The following KCNMB2 variants were observed in gnomAD, a reference collection of about 807,000 sequenced individuals.
KCNMB2 encodes the protein calcium-activated potassium channel subunit beta-2.
A neutral mutation model predicts 24.5 loss-of-function variants in KCNMB2; 9 were observed. The ratio of observed to expected loss-of-function variants is 0.37; its 90% CI spans 0.22 to 0.64. The LOEUF (loss-of-function observed/expected upper bound fraction) is 0.64, where lower values mean the gene tolerates loss of function less well. Ranked by LOEUF, KCNMB2 falls within the 30% of genes least tolerant of loss-of-function variation. KCNMB2 has a pLI of 0.63. For synonymous variants in KCNMB2, 109 were observed against 104.4 expected (o/e 1.04, Z -0.27); for missense variants, 226 against 284.3 (o/e 0.79, Z 1.47).
intron 1 of KCNMB2, among the ~76,000 whole-genome samples, chr3:178,782,830 C>T (rs1313099570): frequency 2.0e-5 from 3 of 151,318 alleles, no homozygotes; most frequent in Non-Finnish European, 4.4e-5. Flanking sequence ...CTTTTGTTGC[C>T]ATTGCTTTTG....
intron 1 of KCNMB2, among the ~76,000 whole-genome samples, chr3:178,563,234 A>T (rs1314282886): frequency 6.6e-6 from 1 of 152,236 alleles, no homozygotes; most frequent in Non-Finnish European, 1.5e-5. Context: ...ACCAGAAAAA[A>T]ACTGGGCAGC....
At chr3:178,732,150 T>C (rs1376236236) in intron 1 of KCNMB2, among the ~76,000 whole-genome samples, 1 of 152,186 alleles carries the variant, frequency 6.6e-6, no homozygotes, top group Admixed American at 6.5e-5. Context: ...ATTTGCGAGA[T>C]ACAACAGTGA....
At chr3:178,560,047 T>C (rs1393354793) in intron 1 of KCNMB2, among the ~76,000 whole-genome samples, 2 of 147,944 alleles carry the variant, frequency 1.4e-5, no homozygotes, top group East Asian at 1.9e-4. Flanking sequence ...ATATCTTTTT[T>C]ATTAAACAGG....
At chr3:178,711,784 TAAC>T (rs1402533587) in intron 1 of KCNMB2, among the ~76,000 whole-genome samples, 3 of 152,206 alleles carry the variant, frequency 2.0e-5, no homozygotes, top group Non-Finnish European at 2.9e-5. Flanking sequence ...GTGCCAGGCT[TAAC>T]GTAGTGCAGA....
chr3:178,727,751 T>G (rs1723011176), intron 1 of KCNMB2, among the ~76,000 whole-genome samples: 1 of 152,182 alleles, frequency 6.6e-6, no homozygotes, highest in Non-Finnish European at 1.5e-5. Context: ...TGCACACACC[T>G]TTATTTTAGC....
intron 1 of KCNMB2, among the ~76,000 whole-genome samples, chr3:178,600,740 T>C (rs949206729): frequency 6.6e-5 from 10 of 152,144 alleles, no homozygotes; most frequent in African/African-American, 2.2e-4. Flanking sequence ...TTTGCTAGTG[T>C]GAATAGTGCT....
At chr3:178,819,684 TCAAGAAACA>T (rs1361583189) in intron 2 of KCNMB2, among the ~76,000 whole-genome samples, 1 of 152,082 alleles carries the variant, frequency 6.6e-6, no homozygotes, top group East Asian at 1.9e-4. Context: ...TATCAATGAG[TCAAGAAACA>T]AATTTTGGTT....
At chr3:178,822,019 A>G (rs573759219) in intron 2 of KCNMB2, among the ~76,000 whole-genome samples, 32 of 152,266 alleles carry the variant, frequency 2.1e-4, no homozygotes, top group African/African-American at 6.3e-4. Context: ...TTGAAACTCA[A>G]TCGTGTCACC....
At chr3:178,781,478 G>C (rs1415346330) in intron 1 of KCNMB2, among the ~76,000 whole-genome samples, 2 of 152,136 alleles carry the variant, frequency 1.3e-5, no homozygotes, top group African/African-American at 4.8e-5. Context: ...TGTAATCCCA[G>C]CTACTCGGGA....
At chr3:178,592,885 G>A (rs369663747) in intron 1 of KCNMB2, among the ~76,000 whole-genome samples, 4 of 151,994 alleles carry the variant, frequency 2.6e-5, no homozygotes, top group Admixed American at 6.6e-5. Context: ...CACTGAAGTC[G>A]TTTTCTTTTT....
chr3:178,672,262 C>A (rs543997907), intron 1 of KCNMB2, among the ~76,000 whole-genome samples: 4 of 152,150 alleles, frequency 2.6e-5, no homozygotes, highest in Non-Finnish European at 5.9e-5. Context: ...CCTTACCACA[C>A]CCCTGTGAGG....
At chr3:178,701,292 C>T (rs537334701) in intron 1 of KCNMB2, among the ~76,000 whole-genome samples, 1 of 152,230 alleles carries the variant, frequency 6.6e-6, no homozygotes, top group African/African-American at 2.4e-5. Context: ...TTTCTGAGGG[C>T]TCTGTTCTGT....
chr3:178,771,054 T>C (rs1302554584), intron 1 of KCNMB2, among the ~76,000 whole-genome samples: 1 of 152,234 alleles, frequency 6.6e-6, no homozygotes, highest in Non-Finnish European at 1.5e-5. Context: ...TAAATACTCA[T>C]TAAATTATAA....
At chr3:178,740,381 A>G (rs1355328034) in intron 1 of KCNMB2, among the ~76,000 whole-genome samples, 2 of 152,030 alleles carry the variant, frequency 1.3e-5, no homozygotes, top group Non-Finnish European at 2.9e-5. Flanking sequence ...CAGCCTCCCA[A>G]AGTGCTGGGA....
Position 178,757,314 on chromosome 3 carries a change from A to T in KCNMB2, c.-67-50029A>T, listed in dbSNP as rs542200529. ...AGGATATATATATATATATCCATCCAAGAGGACATATATATATGTATATAT... is the reference window on the plus strand; with the variant it reads ...AGGATATATATATATATATCCATCCTAGAGGACATATATATATGTATATAT... On this transcript the variant is annotated intron_variant, in intron 1 of 4. Transcript: ENST00000452583. Among the ~76,000 whole-genome samples, 436 of 115,936 alleles carry T rather than the reference A, an allele frequency of 3.8e-3. 31 individuals carry two copies. Among genetic ancestry groups the T allele is most frequent in the African/African-American group, 0.014 (426 of 30,542 alleles). 76.1% of individuals were successfully genotyped at this position (115,936 alleles called of 152,430 possible).
chr3:178,711,424 C>A (rs961069619), intron 1 of KCNMB2, among the ~76,000 whole-genome samples: 13 of 152,254 alleles, frequency 8.5e-5, no homozygotes, highest in Admixed American at 3.9e-4. Context: ...ATACCCATCA[C>A]CCCTTAATAT....
chr3:178,703,231 A>ATCTC (rs748700687), intron 1 of KCNMB2, among the ~76,000 whole-genome samples: 4 of 152,174 alleles, frequency 2.6e-5, no homozygotes, highest in Non-Finnish European at 5.9e-5. Flanking sequence ...ATACATTCTT[A>ATCTC]TCTCTATCAG....
chr3:178,839,381 A>C (rs1715347037), intron 4 of KCNMB2, among the ~76,000 whole-genome samples: 1 of 152,196 alleles, frequency 6.6e-6, no homozygotes, highest in African/African-American at 2.4e-5. Flanking sequence ...AAAGAGGAGA[A>C]AGGGAAGTGT....
At chr3:178,770,874 G>A (rs1192005802) in intron 1 of KCNMB2, among the ~76,000 whole-genome samples, 1 of 152,196 alleles carries the variant, frequency 6.6e-6, no homozygotes, top group Non-Finnish European at 1.5e-5. Flanking sequence ...AATTGGCAGA[G>A]TCAGAACTCA....
Sources: gnomAD v4.1 joint callset for allele counts (sites outside exome capture counted in the v4.1 genomes callset) on GRCh38, gnomAD v4.1.1 for gene constraint, MANE v1.5 for transcripts, NCBI Gene and HGNC (gene_info 2026-07-23, HGNC 2026-07-21) for gene names.